TRIM33: variants seen among roughly 807,000 people sequenced by gnomAD.
The protein encoded by TRIM33 is E3 ubiquitin-protein ligase TRIM33.
Under a neutral mutation model 125.4 loss-of-function variants are expected in TRIM33, and 20 were observed. The ratio of observed to expected loss-of-function variants is 0.16; its 90% CI spans 0.11 to 0.23. The LOEUF (loss-of-function observed/expected upper bound fraction) is 0.23, where lower values mean the gene tolerates loss of function less well. TRIM33 is among the 10% of genes least tolerant of loss of function. The pLI is 1.00. For missense variants in TRIM33, 920 were observed against 1,411.4 expected (o/e 0.65, Z 5.58); for synonymous variants, 564 against 513.9 (o/e 1.10, Z -1.32).
chr1:114,467,187 G>A (rs1318796239), intron 1 of TRIM33, among the ~76,000 whole-genome samples: 1 of 152,198 alleles, frequency 6.6e-6, no homozygotes, highest in East Asian at 1.9e-4. Context: ...AGTATTAAAG[G>A]AAATGTAGAG....
At chr1:114,460,271 C>T in intron 4 of TRIM33, 1 of 187,322 alleles carries the variant, frequency 5.3e-6, no homozygotes. Context: ...ACAAAGACCG[C>T]AAAAAGATCC....
At chr1:114,420,849 T>C (rs1653239113) in intron 11 of TRIM33, among the ~76,000 whole-genome samples, 2 of 152,330 alleles carry the variant, frequency 1.3e-5, no homozygotes, top group African/African-American at 4.8e-5. Context: ...GTTGTCACCA[T>C]GCAATGCAAG....
intron 4 of TRIM33, among the ~76,000 whole-genome samples, chr1:114,444,599 A>G (rs1648862837): frequency 6.6e-6 from 1 of 152,230 alleles, no homozygotes; most frequent in South Asian, 2.1e-4. Context: ...GGTACCACCA[A>G]CTTAGAAAGG....
intron 4 of TRIM33, among the ~76,000 whole-genome samples, chr1:114,435,071 T>C (rs906642531): frequency 6.6e-6 from 1 of 152,226 alleles, no homozygotes; most frequent in Non-Finnish European, 1.5e-5. Context: ...TAGCACACTA[T>C]TTGTGCATTT....
chr1:114,465,858 G>T (rs1251102483), intron 1 of TRIM33, among the ~76,000 whole-genome samples: 1 of 151,854 alleles, frequency 6.6e-6, no homozygotes. Flanking sequence ...TGGCTAACAT[G>T]GTGAAACCCC....
Position 114,424,693 on chromosome 1 carries a change from T to C in TRIM33, c.1758A>G (p.Gln586=), listed in dbSNP as rs1317512985. 1 of 1,611,264 alleles carries C rather than the reference T, an allele frequency of 6.2e-7. No homozygotes were observed. The highest frequency in any genetic ancestry group is 1.3e-5 in the African/African-American group (1 of 74,996). Residue 586 remains glutamine (Q), a synonymous_variant, in exon 10 of 20, where the codon CAA becomes CAG. Coordinates refer to ENST00000358465, the MANE Select transcript of TRIM33 (RefSeq NM_015906.4). ...TCTGAGCCAGTCTCATCTGATGGGC[T>C]TGAAAAGCTCCACAGTTCATGTTGC... ...QRGNMNCGAF[Q]AHQMRLAQNA...
Position 114,427,761 on chromosome 1 carries a change from T to G in TRIM33, c.1289A>C (p.Tyr430Ser). Residue 430 changes from tyrosine (Y) to serine (S), a missense_variant, in exon 7 of 20, where the codon TAC becomes TCC. By Grantham distance (144) the Tyr-to-Ser change is moderately radical. Transcript: ENST00000358465. The part of the protein sequence containing the change: ...IASGSSTALL[Y>S]SKRLITFQLR... ...TATGTGTCTCACCAGTCGCTTGCTG[T>G]ATAGTAGTGCTGTGCTGCTGCCACT... 6.2e-7 allele frequency: 1 copy of G among 1,614,036 alleles called. No individual in the cohort carries two copies. The highest frequency in any genetic ancestry group is 1.7e-5 in the Admixed American group (1 of 60,016).
At chr1:114,411,914 T>C (rs1446491851) in intron 11 of TRIM33, among the ~76,000 whole-genome samples, 1 of 152,060 alleles carries the variant, frequency 6.6e-6, no homozygotes, top group Admixed American at 6.5e-5. Flanking sequence ...AATAAGTACA[T>C]GGAAATATAA....
chr1:114,447,180 G>C (rs1435261085), intron 4 of TRIM33, among the ~76,000 whole-genome samples: 2 of 152,168 alleles, frequency 1.3e-5, no homozygotes, highest in Non-Finnish European at 2.9e-5. Context: ...AAATGGAAGA[G>C]AGGTAGTATT....
At chr1:114,432,354 T>C (rs1648009854) in intron 5 of TRIM33, among the ~76,000 whole-genome samples, 2 of 152,190 alleles carry the variant, frequency 1.3e-5, no homozygotes, top group Admixed American at 1.3e-4. Flanking sequence ...GAAACAGTCT[T>C]CTCCAAATCA....
chr1:114,468,570 A>T (rs1216191762), intron 1 of TRIM33: 3 of 397,788 alleles, frequency 7.5e-6, no homozygotes, highest in Non-Finnish European at 9.8e-6. Flanking sequence ...AGAAAAAAAC[A>T]AAAAAGATGT....
chr1:114,421,695 A>G, intron 10 of TRIM33, 59 bp from the exon 11 acceptor site: 3 of 1,526,324 alleles, frequency 2.0e-6, no homozygotes, highest in Non-Finnish European at 2.7e-6. Context: ...AATATAAACT[A>G]TACCTTTATA....
At chr1:114,487,885 CAGAGCGAGACTCCG>C (rs1339898933) in intron 1 of TRIM33, among the ~76,000 whole-genome samples, 9 of 109,214 alleles carry the variant, frequency 8.2e-5, no homozygotes, top group Non-Finnish European at 1.5e-4. Flanking sequence ...GCCTGGGCGA[CAGAGCGAGACTCCG>C]TCTCAAAAAA....
Position 114,461,003 on chromosome 1 carries a change from G to A in TRIM33, c.923+2101C>T, listed in dbSNP as rs371098778. Among the ~76,000 whole-genome samples, 48 of 151,802 alleles carry A rather than the reference G, an allele frequency of 3.2e-4. No individual in the cohort carries two copies. In the East Asian group the frequency reaches 8.0e-3, roughly 25 times the overall value. On this transcript the variant is annotated intron_variant, in intron 4 of 19. Transcript: ENST00000358465. ...AATGACCAAACTCAAGGAAGGGGTCGTGGGAACCGCCCCGCCCCACCCCCA... is the reference window on the plus strand; with the variant it reads ...AATGACCAAACTCAAGGAAGGGGTCATGGGAACCGCCCCGCCCCACCCCCA...
At chr1:114,403,810 G>A (rs914072927) in intron 15 of TRIM33, among the ~76,000 whole-genome samples, 2 of 152,084 alleles carry the variant, frequency 1.3e-5, no homozygotes, top group African/African-American at 4.8e-5. Context: ...ACAGGCACCC[G>A]CCACCATGCC....
intron 15 of TRIM33, chr1:114,405,126 G>A (rs1374090061): frequency 4.0e-6 from 1 of 252,592 alleles, no homozygotes; most frequent in Non-Finnish European, 7.5e-6. Context: ...TGCAGGTTTT[G>A]TAACCTTAGC....
intron 4 of TRIM33, 26 bp downstream of exon 4, chr1:114,463,078 C>A: frequency 6.5e-7 from 1 of 1,544,306 alleles, no homozygotes; most frequent in Non-Finnish European, 8.7e-7. Context: ...ATAGTATTTC[C>A]TGGTAAGCAA....
intron 1 of TRIM33, among the ~76,000 whole-genome samples, chr1:114,471,911 G>C (rs1406805231): frequency 6.6e-6 from 1 of 152,066 alleles, no homozygotes; most frequent in Admixed American, 6.5e-5. Flanking sequence ...GAAAATTATT[G>C]TATGTTTAGC....
At chr1:114,504,352 G>A (rs990485508) in intron 1 of TRIM33, among the ~76,000 whole-genome samples, 5 of 151,744 alleles carry the variant, frequency 3.3e-5, no homozygotes, top group Non-Finnish European at 5.9e-5. Context: ...ATTTTTTGTA[G>A]ACACAGGGTT....
Sources: gnomAD v4.1 joint callset for allele counts (sites outside exome capture counted in the v4.1 genomes callset) on GRCh38, gnomAD v4.1.1 for gene constraint, MANE v1.5 for transcripts, NCBI Gene and HGNC (gene_info 2026-07-23, HGNC 2026-07-21) for gene names.